The following MYO1H variants were observed in gnomAD, a reference collection of about 807,000 sequenced individuals.
MYO1H encodes unconventional myosin-Ih.
In MYO1H, 118 loss-of-function variants were observed where a neutral mutation model predicts 149.3. The observed-to-expected ratio is 0.79, with a 90% CI of 0.68 to 0.92. The LOEUF (loss-of-function observed/expected upper bound fraction) is 0.92. MYO1H is among the 40% of genes least tolerant of loss of function. The pLI is 0.00. For missense variants in MYO1H, 1,212 were observed against 1,280.7 expected (o/e 0.95, Z 0.82); for synonymous variants, 447 against 465.2 (o/e 0.96, Z 0.50).
chr12:109,431,699 A>C (rs1871627664), intron 19 of MYO1H, among the ~76,000 whole-genome samples: 1 of 152,202 alleles, frequency 6.6e-6, no homozygotes, highest in African/African-American at 2.4e-5. Context: ...TATACTACAG[A>C]CATCACGGTT....
At chr12:109,378,345 A>G (rs924110959) in intron 1 of MYO1H, among the ~76,000 whole-genome samples, 1 of 151,156 alleles carries the variant, frequency 6.6e-6, no homozygotes, top group African/African-American at 2.4e-5. Context: ...TTTTGAGATA[A>G]GGTCTCACTC....
chr12:109,435,000 AC>A, intron 20 of MYO1H, 36 bp from the exon 21 acceptor site: 1 of 1,419,136 alleles, frequency 7.0e-7, no homozygotes, highest in Non-Finnish European at 9.8e-7. Flanking sequence ...TGGTAAACTG[AC>A]CAATTAATAA....
At chr12:109,436,805 T>A (rs1871878926) in intron 22 of MYO1H, among the ~76,000 whole-genome samples, 1 of 152,120 alleles carries the variant, frequency 6.6e-6, no homozygotes, top group African/African-American at 2.4e-5. Flanking sequence ...AATAATTTTG[T>A]GGGCCAGTCG....
chr12:109,404,173 C>A, intron 7 of MYO1H, 93 bp downstream of exon 7: 3 of 925,028 alleles, frequency 3.2e-6, no homozygotes, highest in South Asian at 2.9e-5. Context: ...TGGCCAAATT[C>A]AACAAATAAA....
intron 1 of MYO1H, chr12:109,357,000 G>A (rs1021235581): frequency 6.6e-6 from 1 of 152,276 alleles, no homozygotes; most frequent in East Asian, 1.9e-4. Flanking sequence ...TGTGTGTTTG[G>A]TTTACATTTT....
exon 5 of MYO1H, chr12:109,397,800 A>G: frequency 1.9e-6 from 3 of 1,608,894 alleles, no homozygotes; most frequent in Non-Finnish European, 1.7e-6. Context: ...TGGATATACA[A>G]TTTGATTTTC....
chr12:109,322,638 G>T, the MYO1H span, among the ~76,000 whole-genome samples: 1 of 151,792 alleles, frequency 6.6e-6, no homozygotes, highest in Non-Finnish European at 1.5e-5. Context: ...TGACCAATAT[G>T]GTGAAACTCT....
At position 109,347,978 on chromosome 12, in the gene MYO1H, G is replaced by A. The variant is rs1868373707; in HGVS notation, c.12+6G>A. On this transcript the variant is annotated splice_donor_region_variant and intron_variant, in intron 1 of 31. Transcript: ENST00000310903. ...TGTGCGTGATGGAATCCAAGGTAAT[G>A]TGACTTGAACACTAGAAGGTGGTTA... is the stretch of plus-strand genomic sequence containing the variant. 7.5e-6 allele frequency: 3 copies of A among 398,954 alleles called. No homozygotes were observed. The highest frequency in any genetic ancestry group is 1.3e-5 in the Non-Finnish European group (3 of 226,072). 24.7% of individuals were successfully genotyped at this position (398,954 alleles called of 1,614,324 possible).
the MYO1H span, among the ~76,000 whole-genome samples, chr12:109,320,379 G>T: frequency 6.6e-6 from 1 of 150,848 alleles, no homozygotes; most frequent in Non-Finnish European, 1.5e-5. Context: ...GGAGGCCAAG[G>T]TGGGGGGATC....
At chr12:109,392,317 C>T (rs1472202270) in intron 2 of MYO1H, among the ~76,000 whole-genome samples, 1 of 152,264 alleles carries the variant, frequency 6.6e-6, no homozygotes, top group Non-Finnish European at 1.5e-5. Context: ...AATGGCCTCT[C>T]ATGCCCCTAG....
At chr12:109,410,206 A>G (rs920415613) in intron 12 of MYO1H, 138 bp downstream of exon 12, 1 of 478,388 alleles carries the variant, frequency 2.1e-6, no homozygotes. Flanking sequence ...CAGTGGCACA[A>G]TCATGACTGG....
At chr12:109,356,456 A>G (rs944781476) in intron 1 of MYO1H, among the ~76,000 whole-genome samples, 1 of 152,088 alleles carries the variant, frequency 6.6e-6, no homozygotes, top group East Asian at 1.9e-4. Flanking sequence ...AAAGAACCTC[A>G]TGGGCTCTGG....
At chr12:109,361,654 T>A (rs1325287158) in intron 1 of MYO1H, among the ~76,000 whole-genome samples, 3 of 151,360 alleles carry the variant, frequency 2.0e-5, no homozygotes, top group Non-Finnish European at 4.4e-5. Context: ...AAAATTTTTT[T>A]AAAATTAGCC....
At chr12:109,311,788 A>C in the MYO1H span, among the ~76,000 whole-genome samples, 69 of 152,328 alleles carry the variant, frequency 4.5e-4, no homozygotes, top group African/African-American at 1.6e-3. Context: ...CAGATTCCCT[A>C]TTAGCACGAT....
chr12:109,333,224 G>A, the MYO1H span, among the ~76,000 whole-genome samples: 2 of 152,100 alleles, frequency 1.3e-5, no homozygotes, highest in Non-Finnish European at 2.9e-5. Flanking sequence ...GGAGGTTGAG[G>A]CAGGAGAATC....
At chr12:109,403,362 A>G (rs1449033842) in intron 6 of MYO1H, among the ~76,000 whole-genome samples, 1 of 152,252 alleles carries the variant, frequency 6.6e-6, no homozygotes, top group Non-Finnish European at 1.5e-5. Context: ...TCAGATAATT[A>G]GGAAACTAGG....
intron 22 of MYO1H, among the ~76,000 whole-genome samples, chr12:109,436,816 C>T (rs2075431): frequency 0.4 from 61,387 of 151,868 alleles, 12,687 homozygotes; most frequent in African/African-American, 0.46. Context: ...GGGCCAGTCG[C>T]GGTGGCTCAT....
chr12:109,346,416 C>T (rs137966146), upstream of MYO1H, among the ~76,000 whole-genome samples: 500 of 152,204 alleles, frequency 3.3e-3, 5 homozygotes, highest in African/African-American at 0.011. Flanking sequence ...GAATGTTATA[C>T]GTGATTTATA....
intron 15 of MYO1H, among the ~76,000 whole-genome samples, 181 bp from the exon 16 acceptor site, chr12:109,420,800 T>C (rs1252838416): frequency 1.3e-5 from 2 of 152,154 alleles, no homozygotes; most frequent in Non-Finnish European, 2.9e-5. Flanking sequence ...CCACAATGCA[T>C]GGGACAGCCC....
Sources: allele counts gnomAD v4.1 joint callset (sites outside exome capture counted in the v4.1 genomes callset), GRCh38; gene constraint gnomAD v4.1.1; transcripts MANE v1.5; gene names NCBI Gene and HGNC (gene_info 2026-07-23, HGNC 2026-07-21).